The following KHDRBS2 variants were observed in gnomAD, a reference collection of about 807,000 sequenced individuals.
KHDRBS2 encodes KH RNA binding domain containing, signal transduction associated 2, also known as KH domain-containing, RNA-binding, signal transduction-associated protein 2.
Under a neutral mutation model 44.3 loss-of-function variants are expected in KHDRBS2, and 26 were observed. That is an observed-to-expected ratio of 0.59 (90% CI 0.43 to 0.81). KHDRBS2 has a LOEUF of 0.81. Ranked by LOEUF, KHDRBS2 falls within the 40% of genes least tolerant of loss-of-function variation. The pLI is 0.00. For synonymous variants in KHDRBS2, 194 were observed against 151.1 expected (o/e 1.28, Z -2.08); for missense variants, 476 against 433.1 (o/e 1.10, Z -0.88).
At chr6:62,131,375 A>G (rs568749704) in intron 2 of KHDRBS2, among the ~76,000 whole-genome samples, 1 of 152,340 alleles carries the variant, frequency 6.6e-6, no homozygotes, top group South Asian at 2.1e-4. Context: ...GCAATAATTT[A>G]AAGAGAGCTT....
intron 4 of KHDRBS2, among the ~76,000 whole-genome samples, chr6:61,945,644 C>T (rs1210390310): frequency 6.7e-6 from 1 of 149,024 alleles, no homozygotes; most frequent in Middle Eastern, 3.2e-3. Flanking sequence ...TTTTATACAT[C>T]TTTCCTTGAT....
chr6:61,778,299 G>A (rs1391359528), intron 6 of KHDRBS2, among the ~76,000 whole-genome samples: 4 of 152,098 alleles, frequency 2.6e-5, no homozygotes, highest in African/African-American at 9.7e-5. Flanking sequence ...TGCCTTTTAT[G>A]CCTGGGACTG....
intron 3 of KHDRBS2, among the ~76,000 whole-genome samples, chr6:61,989,549 C>T (rs1399981395): frequency 6.6e-6 from 1 of 152,116 alleles, no homozygotes; most frequent in Non-Finnish European, 1.5e-5. Flanking sequence ...TGGGTTGTAT[C>T]TGCTTGGCTA....
chr6:61,574,346 AG>A, the KHDRBS2 span: 1 of 1,527,754 alleles, frequency 6.5e-7, no homozygotes, highest in Non-Finnish European at 8.8e-7. Context: ...ACGAGGTTTC[AG>A]CTGTCTCTTA....
At chr6:62,040,390 C>T (rs1333757998) in intron 3 of KHDRBS2, among the ~76,000 whole-genome samples, 1 of 151,918 alleles carries the variant, frequency 6.6e-6, no homozygotes, top group African/African-American at 2.4e-5. Flanking sequence ...GCATAACTAA[C>T]CATGATACAT....
rs187860104 is a variant in KHDRBS2, at chr6:61,863,195, C to T, written c.810+31440G>A. ...TCTCTTTTCTTCTTTATTAGTCCAG[C>T]TAGTGGTCTTTTTCCTTATTTTTTC... is the stretch of plus-strand genomic sequence containing the variant. On this transcript the variant is annotated intron_variant, in intron 6 of 8. Transcript: ENST00000281156. 1.4e-4 allele frequency among the ~76,000 whole-genome samples: 21 copies of T among 150,574 alleles called. No individual in the cohort carries two copies. The East Asian group carries it at 3.9e-3, about 28-fold the overall frequency.
intron 1 of KHDRBS2, among the ~76,000 whole-genome samples, chr6:62,212,041 C>A (rs2150145626): frequency 6.6e-6 from 1 of 152,178 alleles, no homozygotes; most frequent in East Asian, 1.9e-4. Flanking sequence ...TTATCCTTAG[C>A]AAACTAATGC....
At chr6:62,252,266 T>G (rs1836674380) in intron 1 of KHDRBS2, among the ~76,000 whole-genome samples, 1 of 151,926 alleles carries the variant, frequency 6.6e-6, no homozygotes, top group Non-Finnish European at 1.5e-5. Flanking sequence ...TTTTGGGGTC[T>G]TTATGCTTTC....
chr6:61,543,161 C>A, the KHDRBS2 span, among the ~76,000 whole-genome samples: 2 of 151,908 alleles, frequency 1.3e-5, no homozygotes, highest in Non-Finnish European at 2.9e-5. Context: ...AAACAGTCTA[C>A]AAAATGGACA....
At chr6:61,927,855 C>G (rs1431943725) in intron 4 of KHDRBS2, among the ~76,000 whole-genome samples, 1 of 152,076 alleles carries the variant, frequency 6.6e-6, no homozygotes, top group African/African-American at 2.4e-5. Context: ...TTTCAATCAG[C>G]TATAAAATTG....
chr6:61,935,578 C>A (rs370486621), intron 4 of KHDRBS2, among the ~76,000 whole-genome samples: 210 of 152,242 alleles, frequency 1.4e-3, no homozygotes, highest in African/African-American at 4.6e-3. Flanking sequence ...ACAATACTAT[C>A]ATAGAAATTA....
chr6:62,229,951 A>T (rs1293708690), intron 1 of KHDRBS2, among the ~76,000 whole-genome samples: 1 of 152,196 alleles, frequency 6.6e-6, no homozygotes, highest in African/African-American at 2.4e-5. Context: ...CCTTGGCCCC[A>T]GCTCCCAGTT....
intron 4 of KHDRBS2, among the ~76,000 whole-genome samples, chr6:61,904,701 C>T (rs1328697542): frequency 2.0e-5 from 3 of 152,168 alleles, no homozygotes; most frequent in Non-Finnish European, 4.4e-5. Context: ...CTGAACTTAC[C>T]TTATAACTTC....
At chr6:62,252,074 A>T (rs948452371) in intron 1 of KHDRBS2, among the ~76,000 whole-genome samples, 6 of 151,914 alleles carry the variant, frequency 3.9e-5, no homozygotes, top group African/African-American at 1.4e-4. Context: ...GACTAAATTT[A>T]TGAGGAGAGG....
At chr6:62,018,439 C>A (rs930967548) in intron 3 of KHDRBS2, among the ~76,000 whole-genome samples, 2 of 151,952 alleles carry the variant, frequency 1.3e-5, no homozygotes, top group Non-Finnish European at 2.9e-5. Flanking sequence ...GCTCCGCCTC[C>A]CAGTTTCACG....
At chr6:61,585,298 A>G in the KHDRBS2 span, among the ~76,000 whole-genome samples, 2 of 152,152 alleles carry the variant, frequency 1.3e-5, no homozygotes, top group African/African-American at 4.8e-5. Flanking sequence ...TAAAATAGAG[A>G]AAAATGGTAC....
chr6:61,583,094 A>G, the KHDRBS2 span, among the ~76,000 whole-genome samples: 1 of 151,816 alleles, frequency 6.6e-6, no homozygotes, highest in Non-Finnish European at 1.5e-5. Context: ...ATGCATATCA[A>G]GAATAAGAAC....
chr6:61,551,625 T>C, the KHDRBS2 span, among the ~76,000 whole-genome samples: 1 of 152,180 alleles, frequency 6.6e-6, no homozygotes, highest in Non-Finnish European at 1.5e-5. Context: ...AGGGAATCCT[T>C]TCCCCATTGC....
At chr6:62,137,477 A>G (rs1811825022) in intron 2 of KHDRBS2, among the ~76,000 whole-genome samples, 1 of 152,190 alleles carries the variant, frequency 6.6e-6, no homozygotes, top group Non-Finnish European at 1.5e-5. Context: ...AGCCAATGCA[A>G]TGAAGAATGA....
Sources: allele counts gnomAD v4.1 joint callset (sites outside exome capture counted in the v4.1 genomes callset), GRCh38; gene constraint gnomAD v4.1.1; transcripts MANE v1.5; gene names NCBI Gene and HGNC (gene_info 2026-07-23, HGNC 2026-07-21).